AGMO: variants seen among roughly 807,000 people sequenced by gnomAD.
AGMO encodes the protein glyceryl-ether monooxygenase.
Under a neutral mutation model 60.2 loss-of-function variants are expected in AGMO, and 75 were observed. That is an observed-to-expected ratio of 1.25 (90% CI 1.03 to 1.51). AGMO has a LOEUF of 1.51. Ranked by LOEUF, AGMO falls within the 40% of genes most tolerant of loss-of-function variation. The pLI, the probability that AGMO is intolerant of heterozygous loss-of-function variation, is 0.00. For synonymous variants in AGMO, 261 were observed against 177.1 expected (o/e 1.47, Z -3.76); for missense variants, 763 against 525.5 (o/e 1.45, Z -4.42).
intron 12 of AGMO, among the ~76,000 whole-genome samples, chr7:15,232,789 C>CCA (rs1028271575): frequency 1.1e-5 from 1 of 88,484 alleles, no homozygotes; most frequent in Non-Finnish European, 2.4e-5. Flanking sequence ...AACATGGAAA[C>CCA]CACACACACA....
intron 3 of AGMO, among the ~76,000 whole-genome samples, chr7:15,450,872 A>T (rs1781839464): frequency 6.6e-6 from 1 of 152,170 alleles, no homozygotes; most frequent in Admixed American, 6.5e-5. Flanking sequence ...AAACATGAAT[A>T]TTAATAATAA....
intron 12 of AGMO, among the ~76,000 whole-genome samples, chr7:15,263,215 T>C (rs1759100456): frequency 6.6e-6 from 1 of 151,570 alleles, no homozygotes; most frequent in African/African-American, 2.4e-5. Context: ...TCTACAGAGA[T>C]GTCAAACAAA....
At chr7:15,282,811 G>T (rs1412316670) in intron 12 of AGMO, among the ~76,000 whole-genome samples, 1 of 152,128 alleles carries the variant, frequency 6.6e-6, no homozygotes, top group Non-Finnish European at 1.5e-5. Context: ...AAGTTAACAT[G>T]AAGGAAAGAA....
chr7:15,417,033 C>T (rs543827088), intron 5 of AGMO, among the ~76,000 whole-genome samples: 1 of 152,214 alleles, frequency 6.6e-6, no homozygotes, highest in East Asian at 1.9e-4. Context: ...GTATAATAAA[C>T]GAATGTAACT....
intron 12 of AGMO, among the ~76,000 whole-genome samples, chr7:15,300,152 A>G (rs1784525927): frequency 6.6e-6 from 1 of 152,200 alleles, no homozygotes; most frequent in Admixed American, 6.5e-5. Flanking sequence ...ATACTTGGAA[A>G]GATAGCTAGG....
At chr7:15,425,769 T>C (rs1170926485) in intron 4 of AGMO, among the ~76,000 whole-genome samples, 1 of 152,152 alleles carries the variant, frequency 6.6e-6, no homozygotes, top group South Asian at 2.1e-4. Context: ...TGATGGTGGG[T>C]AAAATTTACC....
chr7:15,230,702 G>A lies in AGMO; in HGVS notation c.1264-29343C>T, dbSNP rs1223705285. Among the ~76,000 whole-genome samples the A allele has an allele frequency of 2.0e-5, 3 of 152,060 alleles. No individual in the cohort carries two copies. The East Asian group carries it at 5.8e-4, about 29-fold the overall frequency. On this transcript the variant is annotated intron_variant, in intron 12 of 12. Transcript: ENST00000342526. ...AACCTCCTTATAAGGGAAAGAGAGA[G>A]AAATCTCAAAGACACTTTTCCCCAC...
chr7:15,412,243 A>G (rs1355198620), intron 5 of AGMO, among the ~76,000 whole-genome samples: 1 of 152,080 alleles, frequency 6.6e-6, no homozygotes, highest in Admixed American at 6.6e-5. Context: ...TAGGTATCTC[A>G]TAAATATATC....
At chr7:15,162,959 G>A in the AGMO span, among the ~76,000 whole-genome samples, 1 of 152,036 alleles carries the variant, frequency 6.6e-6, no homozygotes, top group Non-Finnish European at 1.5e-5. Context: ...ACCATGGGAT[G>A]TTTTCCCATT....
chr7:15,335,347 A>C (rs1415640321), intron 12 of AGMO, among the ~76,000 whole-genome samples: 1 of 152,142 alleles, frequency 6.6e-6, no homozygotes, highest in African/African-American at 2.4e-5. Context: ...GCAAACTCAT[A>C]TTACTCTTTT....
At chr7:15,426,842 A>G (rs994820181) in intron 4 of AGMO, among the ~76,000 whole-genome samples, 3 of 152,158 alleles carry the variant, frequency 2.0e-5, no homozygotes, top group Non-Finnish European at 4.4e-5. Flanking sequence ...AGAAATAGCA[A>G]TGCATTATGG....
At chr7:15,425,086 A>G (rs1781024564) in intron 4 of AGMO, among the ~76,000 whole-genome samples, 11 of 152,204 alleles carry the variant, frequency 7.2e-5, no homozygotes, top group Admixed American at 7.2e-4. Context: ...GAGAATTTCC[A>G]CACTCATAAA....
intron 12 of AGMO, among the ~76,000 whole-genome samples, chr7:15,215,690 C>A (rs1035425810): frequency 2.6e-5 from 4 of 151,980 alleles, no homozygotes; most frequent in East Asian, 3.9e-4. Context: ...TGGAGAATAT[C>A]AAAGCTACCA....
chr7:15,436,839 T>A (rs912252650), intron 3 of AGMO, among the ~76,000 whole-genome samples: 1 of 152,160 alleles, frequency 6.6e-6, no homozygotes, highest in Non-Finnish European at 1.5e-5. Flanking sequence ...AACTTCCATA[T>A]GTAAAAGGGA....
At chr7:15,252,854 G>C (rs1458813326) in intron 12 of AGMO, among the ~76,000 whole-genome samples, 2 of 152,158 alleles carry the variant, frequency 1.3e-5, no homozygotes, top group Non-Finnish European at 2.9e-5. Flanking sequence ...GGCGGGGGCA[G>C]TAAGTTGAAA....
At chr7:15,452,982 G>A (rs564940727) in intron 3 of AGMO, among the ~76,000 whole-genome samples, 27 of 152,234 alleles carry the variant, frequency 1.8e-4, no homozygotes, top group South Asian at 8.3e-4. Flanking sequence ...AGGACTTATC[G>A]TGAATGATTT....
chr7:15,317,135 T>G (rs925338190), intron 12 of AGMO, among the ~76,000 whole-genome samples: 2 of 152,166 alleles, frequency 1.3e-5, no homozygotes, highest in Admixed American at 6.6e-5. Flanking sequence ...AGTGGTAACG[T>G]TGACTTTCAA....
intron 3 of AGMO, among the ~76,000 whole-genome samples, chr7:15,437,395 A>T (rs1781430064): frequency 6.6e-6 from 1 of 152,148 alleles, no homozygotes; most frequent in East Asian, 1.9e-4. Flanking sequence ...ATCTAAAACT[A>T]CCAAATTAAT....
At chr7:15,444,138 T>C (rs1781637764) in intron 3 of AGMO, among the ~76,000 whole-genome samples, 1 of 152,098 alleles carries the variant, frequency 6.6e-6, no homozygotes, top group African/African-American at 2.4e-5. Context: ...GTTTTTTATA[T>C]AGTATCGAAT....
Sources: allele counts gnomAD v4.1 joint callset (sites outside exome capture counted in the v4.1 genomes callset), GRCh38; gene constraint gnomAD v4.1.1; transcripts MANE v1.5; gene names NCBI Gene and HGNC (gene_info 2026-07-23, HGNC 2026-07-21).